The following TP63 variants were observed in gnomAD, a reference collection of about 807,000 sequenced individuals.
TP63 encodes tumor protein p63, also known as tumor protein 63.
In TP63, 17 loss-of-function variants were observed where a neutral mutation model predicts 82.8. The observed-to-expected ratio is 0.21, with a 90% CI of 0.14 to 0.31. The LOEUF (loss-of-function observed/expected upper bound fraction) is 0.31. Among genes scored for constraint, TP63 ranks in the 10% least tolerant of loss-of-function variants. The pLI, the probability that TP63 is intolerant of heterozygous loss-of-function variation, is 1.00. For missense variants in TP63, 648 were observed against 895.3 expected (o/e 0.72, Z 3.52); for synonymous variants, 330 against 321.7 (o/e 1.03, Z -0.28).
chr3:189,638,289 AT>A (rs376062481), intron 1 of TP63, among the ~76,000 whole-genome samples: 8 of 152,168 alleles, frequency 5.3e-5, no homozygotes, highest in African/African-American at 1.9e-4. Context: ...TGAATTTATT[AT>A]TTTTTTATGG....
At chr3:189,781,470 T>A (rs990252381) in intron 3 of TP63, among the ~76,000 whole-genome samples, 4 of 152,184 alleles carry the variant, frequency 2.6e-5, no homozygotes, top group Non-Finnish European at 4.4e-5. Context: ...TAACTAAAGG[T>A]GCAGACCGGC....
chr3:189,866,111 G>A (rs540887991), intron 5 of TP63, among the ~76,000 whole-genome samples: 2 of 152,046 alleles, frequency 1.3e-5, no homozygotes, highest in Non-Finnish European at 2.9e-5. Flanking sequence ...TTTTAAAATT[G>A]CATCCCTTTT....
At chr3:189,744,620 G>A (rs948815743) in intron 3 of TP63, among the ~76,000 whole-genome samples, 1 of 152,162 alleles carries the variant, frequency 6.6e-6, no homozygotes, top group Non-Finnish European at 1.5e-5. Flanking sequence ...CCTGGGGTCT[G>A]GCCCACCCAG....
At chr3:189,893,300 T>C (rs1216976933) in intron 13 of TP63, among the ~76,000 whole-genome samples, 1 of 152,192 alleles carries the variant, frequency 6.6e-6, no homozygotes, top group African/African-American at 2.4e-5. Flanking sequence ...CTGAGGCTGG[T>C]AGAGAATAAG....
At chr3:189,819,768 T>TTTTTTC (rs1553847710) in intron 4 of TP63, among the ~76,000 whole-genome samples, 3 of 120,548 alleles carry the variant, frequency 2.5e-5, no homozygotes, top group Non-Finnish European at 3.5e-5. Context: ...TTTTTTTTTT[T>TTTTTTC]TGAGACAGTC....
At chr3:189,788,540 C>A (rs1724802397) in intron 3 of TP63, among the ~76,000 whole-genome samples, 1 of 151,770 alleles carries the variant, frequency 6.6e-6, no homozygotes, top group Non-Finnish European at 1.5e-5. Flanking sequence ...TGGCCACTTA[C>A]AACCTTTCAA....
intron 4 of TP63, among the ~76,000 whole-genome samples, chr3:189,840,835 C>T (rs1190491509): frequency 7.9e-6 from 1 of 126,858 alleles, no homozygotes; most frequent in African/African-American, 3.1e-5. Flanking sequence ...CCAGCCTGGG[C>T]GACAGAGCAA....
chr3:189,886,305 C>A, intron 10 of TP63, 89 bp from the exon 11 acceptor site: 1 of 1,421,036 alleles, frequency 7.0e-7, no homozygotes, highest in Non-Finnish European at 9.9e-7. Context: ...GGTTTGAGGC[C>A]ATGTTTTAAA....
chr3:189,688,834 A>G (rs1716659003), intron 1 of TP63, among the ~76,000 whole-genome samples: 1 of 152,166 alleles, frequency 6.6e-6, no homozygotes, highest in South Asian at 2.1e-4. Flanking sequence ...TTAGGGAGTT[A>G]AAGCTGTTTC....
At chr3:189,778,735 C>G (rs1023788927) in intron 3 of TP63, among the ~76,000 whole-genome samples, 3 of 152,114 alleles carry the variant, frequency 2.0e-5, no homozygotes, top group African/African-American at 7.2e-5. Context: ...TTTTTGTCCA[C>G]AATCTTATAG....
chr3:189,839,092 C>A (rs115619935), intron 4 of TP63, among the ~76,000 whole-genome samples: 1,499 of 147,766 alleles, frequency 0.01, 30 homozygotes, highest in African/African-American at 0.035. Flanking sequence ...TTTAAGTATA[C>A]CAATGAGCAT....
At chr3:189,850,594 G>A (rs1177531255) in intron 4 of TP63, among the ~76,000 whole-genome samples, 1 of 152,148 alleles carries the variant, frequency 6.6e-6, no homozygotes, top group East Asian at 1.9e-4. Context: ...AAGGACACGG[G>A]GAGGGATAGC....
the TP63 span, among the ~76,000 whole-genome samples, chr3:189,624,007 G>C: frequency 1.3e-5 from 2 of 152,140 alleles, no homozygotes; most frequent in Non-Finnish European, 2.9e-5. Flanking sequence ...TTTAGCACAA[G>C]TATGGAACTT....
chr3:189,859,629 T>C (rs1035258629), intron 4 of TP63, among the ~76,000 whole-genome samples: 1 of 152,190 alleles, frequency 6.6e-6, no homozygotes, highest in Non-Finnish European at 1.5e-5. Context: ...AACCACTTTG[T>C]AAAACTATTT....
At position 189,894,337 on chromosome 3, in the gene TP63, C is replaced by G. The variant is rs779833472; in HGVS notation, c.1878C>G (p.Val626=). 6.2e-7 allele frequency: 1 copy of G among 1,614,020 alleles called. No individual in the cohort carries two copies. Among genetic ancestry groups the G allele is most frequent in the South Asian group, 1.1e-5 (1 of 91,054 alleles). The change falls in exon 14 of 14, where the codon GTC becomes GTG. Residue 626 remains valine, a synonymous_variant. Coordinates refer to ENST00000264731, the MANE Select transcript of TP63 (RefSeq NM_003722.5). Reference sequence around the variant, plus strand: ...GGACCCCAAGCAGTGCCTCTACAGTCAGTGTGGGCTCCAGTGAGACCCGGG... The same window carrying G: ...GGACCCCAAGCAGTGCCTCTACAGTGAGTGTGGGCTCCAGTGAGACCCGGG... The part of the protein sequence containing the change: ...LLRTPSSAST[V]SVGSSETRGE...
At chr3:189,856,289 T>C (rs1160520810) in intron 4 of TP63, among the ~76,000 whole-genome samples, 2 of 151,478 alleles carry the variant, frequency 1.3e-5, no homozygotes, top group East Asian at 3.9e-4. Flanking sequence ...AGTGTTGTAT[T>C]TGATATACTG....
Position 189,895,954 on chromosome 3 carries a change from T to C in TP63, c.*1452T>C. The C allele has an allele frequency of 4.4e-6, 1 of 229,396 alleles. No individual in the cohort carries two copies. The highest frequency in any genetic ancestry group is 2.2e-5 in the African/African-American group (1 of 45,268). 14.2% of individuals were successfully genotyped at this position (229,396 alleles called of 1,614,324 possible). Reference sequence around the variant, plus strand: ...GTCCATCTCCCTTAGGGACTACCCATAGACATGAAAGGTCCCCACAGAGCA... The same window carrying C: ...GTCCATCTCCCTTAGGGACTACCCACAGACATGAAAGGTCCCCACAGAGCA... On this transcript the variant is annotated 3_prime_UTR_variant, in exon 14 of 14. Coordinates refer to ENST00000264731, the MANE Select transcript of TP63 (RefSeq NM_003722.5).
rs991796810 is a variant in TP63 at position 189,768,285 on chromosome 3, T to G, written c.324+29511T>G. Among the ~76,000 whole-genome samples, 6 of 152,176 alleles carry G rather than the reference T, an allele frequency of 3.9e-5. No homozygotes were observed. The South Asian group carries it at 1.0e-3, about 26-fold the overall frequency. The stretch of plus-strand genomic sequence containing the variant: ...GGCTTTTCTTTACTATTTACTTTTT[T>G]AGGTCAGTCATTGAACACAAGGGGC... On this transcript the variant is annotated intron_variant, in intron 3 of 13. Transcript: ENST00000264731.
intron 4 of TP63, among the ~76,000 whole-genome samples, chr3:189,857,954 C>T (rs941646617): frequency 2.0e-5 from 3 of 152,092 alleles, no homozygotes; most frequent in African/African-American, 4.8e-5. Context: ...ATATAACTAC[C>T]ATGTGATCCA....
Sources: gnomAD v4.1 joint callset for allele counts (sites outside exome capture counted in the v4.1 genomes callset) on GRCh38, gnomAD v4.1.1 for gene constraint, MANE v1.5 for transcripts, NCBI Gene and HGNC (gene_info 2026-07-23, HGNC 2026-07-21) for gene names.